The following LRBA variants were observed in gnomAD, a reference collection of about 807,000 sequenced individuals.
LRBA encodes LPS responsive beige-like anchor protein.
Under a neutral mutation model 330.0 loss-of-function variants are expected in LRBA, and 176 were observed. The observed-to-expected ratio is 0.53, with a 90% CI of 0.47 to 0.60. The LOEUF is 0.60. Among genes scored for constraint, LRBA ranks in the 20% least tolerant of loss-of-function variants. The probability of loss-of-function intolerance (pLI) is 0.00; values close to 1 mark genes in which losing one functional copy is unlikely to be tolerated. For missense variants in LRBA, 3,259 were observed against 3,444.8 expected, an observed-to-expected ratio of 0.95 and a Z score of 1.35; for synonymous variants, 1,230 against 1,193.0, an observed-to-expected ratio of 1.03 and a Z score of -0.64.
intron 40 of LRBA, among the ~76,000 whole-genome samples, chr4:150,576,653 T>C (rs1393154368): frequency 6.6e-6 from 1 of 151,884 alleles, no homozygotes; most frequent in African/African-American, 2.4e-5. Flanking sequence ...ATACTCTCAA[T>C]TTTCTCATTC....
At chr4:150,459,737 T>C (rs1335320582) in intron 44 of LRBA, among the ~76,000 whole-genome samples, 2 of 151,986 alleles carry the variant, frequency 1.3e-5, no homozygotes, top group Non-Finnish European at 2.9e-5. Flanking sequence ...ATGTAATTTA[T>C]ATCATAATCT....
intron 22 of LRBA, among the ~76,000 whole-genome samples, chr4:150,856,661 A>C (rs1751261488): frequency 6.6e-6 from 1 of 152,206 alleles, no homozygotes; most frequent in Non-Finnish European, 1.5e-5. Flanking sequence ...GCTAAATTGC[A>C]ATTGAACAAC....
Position 150,321,919 on chromosome 4 carries a change from G to A in LRBA, c.7453-551C>T, listed in dbSNP as rs1364701836. Among the ~76,000 whole-genome samples, 1 of 152,138 alleles carries A rather than the reference G, an allele frequency of 6.6e-6. No homozygotes were observed. Among genetic ancestry groups the A allele is most frequent in the Admixed American group, 6.6e-5 (1 of 15,264 alleles). ...TTTATAAACAATAGTTAGACTGCATGCATATATTATTACAGTAGAGAAATA... is the reference window on the plus strand; with the variant it reads ...TTTATAAACAATAGTTAGACTGCATACATATATTATTACAGTAGAGAAATA... On this transcript the variant is annotated intron_variant, in intron 49 of 56. Coordinates refer to ENST00000651943, the MANE Select transcript of LRBA (RefSeq NM_001364905.1). The surrounding 1 kb of genome is among the most constrained non-coding windows in gnomAD (Gnocchi z 4.5).
chr4:150,862,911 G>A (rs1398582305), intron 22 of LRBA, among the ~76,000 whole-genome samples: 1 of 151,950 alleles, frequency 6.6e-6, no homozygotes, highest in Non-Finnish European at 1.5e-5. Context: ...CCCAGGAGGT[G>A]GAGGTTTCAG....
At chr4:150,917,406 G>A (rs1173634236) in intron 5 of LRBA, among the ~76,000 whole-genome samples, 1 of 151,900 alleles carries the variant, frequency 6.6e-6, no homozygotes, top group Non-Finnish European at 1.5e-5. Flanking sequence ...GAAATTTTAA[G>A]GTATTAGAAT....
At chr4:150,859,859 T>C (rs1560926474) in intron 22 of LRBA, among the ~76,000 whole-genome samples, 1 of 152,096 alleles carries the variant, frequency 6.6e-6, no homozygotes, top group Non-Finnish European at 1.5e-5. Context: ...TCAAAATGAC[T>C]GCAAAAAGGA....
chr4:150,351,261 C>G (rs6535733), intron 47 of LRBA, among the ~76,000 whole-genome samples: 129,026 of 152,220 alleles, frequency 0.85, 55,335 homozygotes, highest in Non-Finnish European at 0.93. Context: ...TTTTAGGAAA[C>G]TATCCATCTT....
At chr4:150,387,946 T>C (rs550753092) in intron 47 of LRBA, among the ~76,000 whole-genome samples, 14 of 152,300 alleles carry the variant, frequency 9.2e-5, no homozygotes, top group African/African-American at 3.4e-4. Flanking sequence ...GATACTAAAG[T>C]AGAATAAAAG....
intron 8 of LRBA, 48 bp from the exon 9 acceptor site, chr4:150,914,389 C>G (rs1211654711): frequency 1.5e-6 from 2 of 1,333,134 alleles, no homozygotes; most frequent in African/African-American, 1.5e-5. Context: ...AAAAAAAACT[C>G]CAGAAATAAT....
At chr4:150,370,292 T>C (rs1740076158) in intron 47 of LRBA, among the ~76,000 whole-genome samples, 1 of 152,126 alleles carries the variant, frequency 6.6e-6, no homozygotes, top group East Asian at 1.9e-4. Context: ...CAAGATATAT[T>C]TTAGTAGGTG....
chr4:150,608,378 A>G (rs1178724446), intron 37 of LRBA, among the ~76,000 whole-genome samples: 2 of 152,192 alleles, frequency 1.3e-5, no homozygotes, highest in Non-Finnish European at 1.5e-5. Flanking sequence ...AATATTGCAG[A>G]ACAGAAAAGG....
At chr4:150,431,213 G>A (rs1750334558) in intron 46 of LRBA, among the ~76,000 whole-genome samples, 2 of 152,000 alleles carry the variant, frequency 1.3e-5, no homozygotes, top group African/African-American at 4.8e-5. Context: ...GAATCTACTG[G>A]GGATTTTAAA....
At chr4:150,869,121 G>A (rs1022874967) in intron 20 of LRBA, among the ~76,000 whole-genome samples, 3 of 151,810 alleles carry the variant, frequency 2.0e-5, no homozygotes, top group African/African-American at 4.8e-5. Flanking sequence ...GCGTTTCTCC[G>A]TCTTGGTCAG....
At chr4:150,448,981 T>C (rs1357597038) in intron 44 of LRBA, among the ~76,000 whole-genome samples, 1 of 151,890 alleles carries the variant, frequency 6.6e-6, no homozygotes, top group Non-Finnish European at 1.5e-5. Context: ...TGAGAGAGAA[T>C]ACGACTGAGG....
intron 36 of LRBA, among the ~76,000 whole-genome samples, chr4:150,721,909 G>C (rs780981478): frequency 3.3e-5 from 5 of 152,158 alleles, no homozygotes; most frequent in African/African-American, 1.2e-4. Flanking sequence ...GAGCCACCAC[G>C]ACCAGCCAGA....
chr4:150,670,482 C>T (rs991423125), intron 37 of LRBA, among the ~76,000 whole-genome samples: 3 of 152,188 alleles, frequency 2.0e-5, no homozygotes, highest in African/African-American at 7.2e-5. Flanking sequence ...TCTGGCACCA[C>T]AAGATAATCT....
chr4:150,666,199 T>C (rs1235021194), intron 37 of LRBA, among the ~76,000 whole-genome samples: 1 of 152,074 alleles, frequency 6.6e-6, no homozygotes, highest in Non-Finnish European at 1.5e-5. Flanking sequence ...AACCACAGAC[T>C]GAAAATATTC....
intron 47 of LRBA, among the ~76,000 whole-genome samples, chr4:150,386,427 C>T: frequency 8.0e-6 from 1 of 125,282 alleles, no homozygotes; most frequent in Non-Finnish European, 1.6e-5. Flanking sequence ...CACCCCCCAC[C>T]CTCCAAGAGG....
At chr4:150,716,775 A>G (rs1728254565) in intron 36 of LRBA, among the ~76,000 whole-genome samples, 1 of 152,210 alleles carries the variant, frequency 6.6e-6, no homozygotes, top group Non-Finnish European at 1.5e-5. Context: ...ACATTCCTTT[A>G]GAACTGTCAA....
Sources: gnomAD v4.1 joint callset for allele counts (sites outside exome capture counted in the v4.1 genomes callset) on GRCh38, gnomAD v4.1.1 for gene constraint, Gnocchi (gnomAD v3.1) non-coding constraint, MANE v1.5 for transcripts, NCBI Gene and HGNC (gene_info 2026-07-23, HGNC 2026-07-21) for gene names.